Variants in SLC4A10 observed in about 807,000 individuals in gnomAD.
The protein encoded by SLC4A10 is solute carrier family 4 member 10, also known as sodium-driven chloride bicarbonate exchanger.
SLC4A10 carries 42 observed loss-of-function variants against 137.7 expected under a neutral mutation model. That is an observed-to-expected ratio of 0.30 (90% CI 0.24 to 0.39). SLC4A10 has a LOEUF of 0.39. Ranked by LOEUF, SLC4A10 falls within the 10% of genes least tolerant of loss-of-function variation. The pLI, the probability that SLC4A10 is intolerant of heterozygous loss-of-function variation, is 1.00. For synonymous variants in SLC4A10, 474 were observed against 464.1 expected, an observed-to-expected ratio of 1.02 and a Z score of -0.27; for missense variants, 925 against 1,355.0, an observed-to-expected ratio of 0.68 and a Z score of 4.98.
chr2:161,952,705 A>G (rs1318267024), intron 19 of SLC4A10, among the ~76,000 whole-genome samples: 2 of 152,172 alleles, frequency 1.3e-5, no homozygotes, highest in Admixed American at 1.3e-4. Context: ...CTTCTTAGAT[A>G]TGAATACTTT....
intron 1 of SLC4A10, among the ~76,000 whole-genome samples, chr2:161,767,123 ATATATATATATATATATGTG>A (rs1309805674): frequency 1.1e-3 from 85 of 79,616 alleles, no homozygotes; most frequent in African/African-American, 4.6e-3. Flanking sequence ...ATATATATAT[ATATATATATATATATATGTG>A]TGTGTGTGTG....
Position 161,839,814 on chromosome 2 carries a change from T to G in SLC4A10, c.303T>G (p.Phe101Leu). The G allele has an allele frequency of 1.2e-6, 2 of 1,613,886 alleles. No homozygotes were observed. Among genetic ancestry groups the G allele is most frequent in the Non-Finnish European group, 1.7e-6 (2 of 1,179,834 alleles). Residue 101 changes from phenylalanine (F) to leucine (L), a missense_variant, in exon 4 of 27, where the codon TTT (phenylalanine) becomes TTG (leucine). Around this residue, in one of 11 missense-constraint regions of SLC4A10, gnomAD observed 138 missense variants for 171.3 expected, o/e 0.81. Coordinates refer to ENST00000446997, the MANE Select transcript of SLC4A10 (RefSeq NM_001178015.2). ...ACACCCCATCACAGAGGGTACAGTTTATTCTTGGAACCGAGGATGATGACG... is the reference window on the plus strand; with the variant it reads ...ACACCCCATCACAGAGGGTACAGTTGATTCTTGGAACCGAGGATGATGACG... The part of the protein sequence containing the change: ...SFDTPSQRVQ[F>L]ILGTEDDDEE...
At chr2:161,722,715 T>C (rs2045816851) in intron 1 of SLC4A10, among the ~76,000 whole-genome samples, 1 of 152,206 alleles carries the variant, frequency 6.6e-6, no homozygotes, top group African/African-American at 2.4e-5. Context: ...GGTGCACTGC[T>C]CTGGGGAAAA....
intron 3 of SLC4A10, among the ~76,000 whole-genome samples, chr2:161,826,194 T>C (rs2058010114): frequency 6.6e-6 from 1 of 152,182 alleles, no homozygotes; most frequent in African/African-American, 2.4e-5. Context: ...ACTGGAGACA[T>C]AAATTTGGAA....
chr2:161,776,559 AATAACATCTCATTGC>A (rs1172368863), intron 2 of SLC4A10, among the ~76,000 whole-genome samples: 1 of 151,896 alleles, frequency 6.6e-6, no homozygotes, highest in Non-Finnish European at 1.5e-5. Flanking sequence ...TTTAAAGTTG[AATAACATCTCATTGC>A]ATATACCACA....
At chr2:161,800,799 A>G (rs1177344006) in intron 2 of SLC4A10, among the ~76,000 whole-genome samples, 1 of 152,014 alleles carries the variant, frequency 6.6e-6, no homozygotes, top group Non-Finnish European at 1.5e-5. Flanking sequence ...GGATGTCAGG[A>G]AGGATATGGG....
At chr2:161,742,708 G>T (rs1484749478) in intron 1 of SLC4A10, among the ~76,000 whole-genome samples, 1 of 151,968 alleles carries the variant, frequency 6.6e-6, no homozygotes, top group Admixed American at 6.6e-5. Flanking sequence ...CCAAAGTGCT[G>T]GGATTACAGG....
chr2:161,795,331 C>A (rs947121582), intron 2 of SLC4A10, among the ~76,000 whole-genome samples: 5 of 152,082 alleles, frequency 3.3e-5, no homozygotes, highest in African/African-American at 1.2e-4. Context: ...ATTAGACAGA[C>A]CATGCTATAG....
At chr2:161,847,140 G>A (rs908498069) in intron 4 of SLC4A10, among the ~76,000 whole-genome samples, 3 of 151,688 alleles carry the variant, frequency 2.0e-5, no homozygotes, top group Non-Finnish European at 2.9e-5. Flanking sequence ...CTACTTGGAA[G>A]GCTGAGGTGG....
At position 161,863,640 on chromosome 2, in the gene SLC4A10, C is replaced by A. The variant is rs576714839; in HGVS notation, c.766+578C>A. 3.3e-5 allele frequency among the ~76,000 whole-genome samples: 5 copies of A among 152,268 alleles called. No individual in the cohort carries two copies. In the East Asian group the frequency reaches 9.6e-4, roughly 29 times the overall value. On this transcript the variant is annotated intron_variant, in intron 6 of 26. Coordinates refer to ENST00000446997, the MANE Select transcript of SLC4A10 (RefSeq NM_001178015.2). ...TGCAGCATCTTCAACATCCATGGAGCCACCCCACTTACTATCTTCATAAAC... is the reference window on the plus strand; with the variant it reads ...TGCAGCATCTTCAACATCCATGGAGACACCCCACTTACTATCTTCATAAAC...
At chr2:161,893,393 G>A (rs1363394574) in intron 10 of SLC4A10, among the ~76,000 whole-genome samples, 1 of 151,976 alleles carries the variant, frequency 6.6e-6, no homozygotes, top group African/African-American at 2.4e-5. Context: ...TTAACTAACT[G>A]CAAATCAAAA....
intron 21 of SLC4A10, among the ~76,000 whole-genome samples, chr2:161,960,350 A>T (rs1481922035): frequency 2.1e-5 from 3 of 140,336 alleles, no homozygotes; most frequent in Admixed American, 1.4e-4. Context: ...GGAGGCAGAA[A>T]GAGACTCTGT....
chr2:161,646,476 G>A (rs867225977), intron 1 of SLC4A10, among the ~76,000 whole-genome samples: 1 of 151,870 alleles, frequency 6.6e-6, no homozygotes, highest in African/African-American at 2.4e-5. Flanking sequence ...AAATAACTTG[G>A]AAATATTTTG....
chr2:161,907,234 A>G (rs1483897712), intron 15 of SLC4A10, among the ~76,000 whole-genome samples: 1 of 152,222 alleles, frequency 6.6e-6, no homozygotes, highest in Non-Finnish European at 1.5e-5. Context: ...TTAAAAGCAA[A>G]TAGTGAGAAT....
chr2:161,844,183 G>A (rs2059355895), intron 4 of SLC4A10, among the ~76,000 whole-genome samples: 1 of 152,082 alleles, frequency 6.6e-6, no homozygotes, highest in Non-Finnish European at 1.5e-5. Flanking sequence ...AAAGCAGGGG[G>A]TAGCGTTAGG....
chr2:161,896,649 A>G (rs367961777), intron 11 of SLC4A10, among the ~76,000 whole-genome samples: 1 of 152,272 alleles, frequency 6.6e-6, no homozygotes, highest in African/African-American at 2.4e-5. Context: ...ATACAAACAA[A>G]TGGAAGAACA....
intron 1 of SLC4A10, among the ~76,000 whole-genome samples, chr2:161,634,953 C>G (rs1399787881): frequency 2.6e-5 from 4 of 151,642 alleles, no homozygotes; most frequent in Non-Finnish European, 5.9e-5. Flanking sequence ...AAGGAGACTT[C>G]AAAAGTTTTG....
intron 3 of SLC4A10, among the ~76,000 whole-genome samples, chr2:161,833,475 G>A (rs1011071635): frequency 6.6e-6 from 1 of 152,188 alleles, no homozygotes; most frequent in Non-Finnish European, 1.5e-5. Flanking sequence ...GAATGAAAAG[G>A]TCATCAAAGA....
chr2:161,629,137 C>G (rs539480471), intron 1 of SLC4A10, among the ~76,000 whole-genome samples: 2 of 152,020 alleles, frequency 1.3e-5, no homozygotes, highest in African/African-American at 4.8e-5. Flanking sequence ...TCAACTCTTC[C>G]TTTCCCATAT....
Sources: allele counts gnomAD v4.1 joint callset (sites outside exome capture counted in the v4.1 genomes callset), GRCh38; gene constraint gnomAD v4.1.1; regional missense constraint gnomAD v4.1.1; transcripts MANE v1.5; gene names NCBI Gene and HGNC (gene_info 2026-07-23, HGNC 2026-07-21).